EVA1C: variants seen among roughly 807,000 people sequenced by gnomAD.
EVA1C encodes protein eva-1 homolog C.
In EVA1C, 25 loss-of-function variants were observed where a neutral mutation model predicts 45.4. The ratio of observed to expected loss-of-function variants is 0.55; its 90% CI spans 0.40 to 0.77. The LOEUF (loss-of-function observed/expected upper bound fraction) is 0.77. EVA1C is among the 30% of genes least tolerant of loss of function. The pLI is 0.00. For synonymous variants in EVA1C, 190 were observed against 221.2 expected (o/e 0.86, Z 1.25); for missense variants, 479 against 554.8 (o/e 0.86, Z 1.37).
At chr21:32,445,951 A>C (rs1026772689) in intron 1 of EVA1C, among the ~76,000 whole-genome samples, 12 of 152,286 alleles carry the variant, frequency 7.9e-5, no homozygotes, top group African/African-American at 2.9e-4. Flanking sequence ...GATAAAAAAG[A>C]GTCTACATCC....
intron 1 of EVA1C, among the ~76,000 whole-genome samples, chr21:32,449,143 G>A (rs551405031): frequency 6.6e-6 from 1 of 152,252 alleles, no homozygotes; most frequent in South Asian, 2.1e-4. Flanking sequence ...ACACACACGT[G>A]CAGCTTCCCC....
intron 1 of EVA1C, among the ~76,000 whole-genome samples, chr21:32,442,873 A>G (rs1568886862): frequency 6.6e-6 from 1 of 151,950 alleles, no homozygotes; most frequent in Non-Finnish European, 1.5e-5. Flanking sequence ...ATTGCATTGG[A>G]AGCCTCTGGC....
At chr21:32,421,222 C>T (rs569011683) in intron 1 of EVA1C, among the ~76,000 whole-genome samples, 25 of 152,188 alleles carry the variant, frequency 1.6e-4, no homozygotes, top group Admixed American at 1.4e-3. Flanking sequence ...TGGTGCTAAC[C>T]CTATGGCTAC....
Position 32,462,184 on chromosome 21 carries a change from G to C in EVA1C, c.481+4464G>C, listed in dbSNP as rs75429883. 2.7e-3 allele frequency among the ~76,000 whole-genome samples: 405 copies of C among 147,604 alleles called. 4 individuals are homozygous for C. The highest frequency in any genetic ancestry group is 9.5e-3 in the African/African-American group (378 of 39,818). ...GAGAATCATTTGAGGCCAGTCATTA[G>C]AGACTAGCCTGGGTAACATAGGGAG... On this transcript the variant is annotated intron_variant, in intron 3 of 7. Transcript: ENST00000300255.
At chr21:32,441,743 G>A (rs2035181870) in intron 1 of EVA1C, among the ~76,000 whole-genome samples, 1 of 152,216 alleles carries the variant, frequency 6.6e-6, no homozygotes, top group Non-Finnish European at 1.5e-5. Context: ...TGATGAATCA[G>A]AGGGTTGGTG....
At chr21:32,486,656 T>C (rs997771741) in intron 4 of EVA1C, among the ~76,000 whole-genome samples, 2 of 152,218 alleles carry the variant, frequency 1.3e-5, no homozygotes, top group African/African-American at 4.8e-5. Flanking sequence ...AAGGCCTTAA[T>C]AGTCCATTTT....
At chr21:32,468,237 C>T (rs763867682) in intron 4 of EVA1C, among the ~76,000 whole-genome samples, 7 of 151,738 alleles carry the variant, frequency 4.6e-5, no homozygotes, top group Non-Finnish European at 7.4e-5. Flanking sequence ...GGCATGGTGG[C>T]GGGCACCTGT....
At chr21:32,480,968 A>T (rs968799558) in intron 4 of EVA1C, among the ~76,000 whole-genome samples, 1 of 151,994 alleles carries the variant, frequency 6.6e-6, no homozygotes, top group East Asian at 1.9e-4. Flanking sequence ...TCTCAAAAAA[A>T]AAAAAATAAA....
intron 1 of EVA1C, among the ~76,000 whole-genome samples, chr21:32,444,544 T>C (rs1261606313): frequency 6.6e-6 from 1 of 152,180 alleles, no homozygotes; most frequent in East Asian, 1.9e-4. Context: ...GTGCCCACCG[T>C]GGGTGCCCTG....
At chr21:32,420,525 A>G (rs944607377) in intron 1 of EVA1C, among the ~76,000 whole-genome samples, 15 of 151,934 alleles carry the variant, frequency 9.9e-5, no homozygotes, top group Non-Finnish European at 2.2e-4. Context: ...AGTTGGGACT[A>G]TAGTCACATG....
intron 3 of EVA1C, among the ~76,000 whole-genome samples, chr21:32,460,147 A>G (rs752218476): frequency 4.6e-5 from 7 of 152,190 alleles, no homozygotes; most frequent in Non-Finnish European, 1.0e-4. Context: ...AAGAGAACTC[A>G]CATCCCACAG....
intron 4 of EVA1C, among the ~76,000 whole-genome samples, chr21:32,479,315 C>T (rs576545743): frequency 6.6e-6 from 1 of 151,960 alleles, no homozygotes; most frequent in Non-Finnish European, 1.5e-5. Context: ...CCTAGCTACT[C>T]GGGAGGCTGA....
At chr21:32,446,058 A>T (rs1293584677) in intron 1 of EVA1C, among the ~76,000 whole-genome samples, 1 of 152,136 alleles carries the variant, frequency 6.6e-6, no homozygotes, top group Non-Finnish European at 1.5e-5. Context: ...AGCCTGGCCA[A>T]CATGGTGAAA....
At chr21:32,485,475 T>C (rs1247452346) in intron 4 of EVA1C, among the ~76,000 whole-genome samples, 2 of 152,146 alleles carry the variant, frequency 1.3e-5, no homozygotes, top group Non-Finnish European at 2.9e-5. Context: ...TCCCTTTTTA[T>C]TTTTTTCATT....
At chr21:32,454,640 T>C (rs1027897424) in intron 2 of EVA1C, among the ~76,000 whole-genome samples, 82 of 152,118 alleles carry the variant, frequency 5.4e-4, no homozygotes, top group Non-Finnish European at 8.1e-4. Context: ...TATGAATACA[T>C]TTAAAGCAGG....
intron 4 of EVA1C, among the ~76,000 whole-genome samples, chr21:32,475,505 T>C (rs1395557952): frequency 3.3e-5 from 5 of 150,168 alleles, no homozygotes; most frequent in African/African-American, 1.2e-4. Flanking sequence ...AAGTCGAGTA[T>C]GAGCTGAGGA....
At chr21:32,488,676 C>T (rs2146380209) in intron 4 of EVA1C, among the ~76,000 whole-genome samples, 1 of 152,096 alleles carries the variant, frequency 6.6e-6, no homozygotes, top group South Asian at 2.1e-4. Flanking sequence ...ACCTCCGCCT[C>T]CCCGGTTCAA....
At chr21:32,488,646 T>C (rs1864935036) in intron 4 of EVA1C, among the ~76,000 whole-genome samples, 1 of 151,168 alleles carries the variant, frequency 6.6e-6, no homozygotes, top group South Asian at 2.1e-4. Flanking sequence ...AGTGCAGTGG[T>C]GCAATCTCAG....
chr21:32,493,104 T>C (rs995243837), intron 4 of EVA1C, among the ~76,000 whole-genome samples: 7 of 152,218 alleles, frequency 4.6e-5, no homozygotes, highest in Non-Finnish European at 7.3e-5. Context: ...AGTTTCTCAC[T>C]ATACAAGTGC....
Sources: allele counts gnomAD v4.1 joint callset (sites outside exome capture counted in the v4.1 genomes callset), GRCh38; gene constraint gnomAD v4.1.1; transcripts MANE v1.5; gene names NCBI Gene and HGNC (gene_info 2026-07-23, HGNC 2026-07-21).